Variants in PSIP1 observed in about 807,000 individuals in gnomAD.
PSIP1 encodes PC4 and SFRS1-interacting protein.
In PSIP1, 19 loss-of-function variants were observed where a neutral mutation model predicts 74.7. The observed-to-expected ratio is 0.25, with a 90% CI of 0.18 to 0.37. The LOEUF is 0.37. PSIP1 is among the 10% of genes least tolerant of loss of function. The pLI, the probability that PSIP1 is intolerant of heterozygous loss-of-function variation, is 1.00. For missense variants in PSIP1, 601 were observed against 614.3 expected (o/e 0.98, Z 0.23); for synonymous variants, 222 against 195.3 (o/e 1.14, Z -1.14).
In PSIP1 at chr9:15,465,444, A is replaced by C. The variant is rs757593296; in HGVS notation, c.*76T>G. ...TCAAACCTATGCTTATAAAAATTTA[A>C]AACTTTCAGCAGTCTATTTCAAATG... On this transcript the variant is annotated 3_prime_UTR_variant, in exon 16 of 16. Transcript: ENST00000380733. 105 of 1,302,630 alleles carry C rather than the reference A, an allele frequency of 8.1e-5. No homozygotes were observed. Among genetic ancestry groups the C allele is most frequent in the Non-Finnish European group, 1.1e-4 (98 of 930,144 alleles). The allele number at this position is 1,302,630 out of a possible 1,614,324, so 80.7% of individuals were successfully genotyped here. A position where few individuals can be genotyped will look rare whatever the true frequency, so the allele number is the denominator to read the frequency against.
intron 4 of PSIP1, 83 bp downstream of exon 4, chr9:15,489,903 A>T (rs2036746096): frequency 1.7e-6 from 2 of 1,159,710 alleles, no homozygotes; most frequent in Non-Finnish European, 2.3e-6. Flanking sequence ...CAAGGCTTTT[A>T]GTATTTACTT....
At position 15,469,210 on chromosome 9, in the gene PSIP1, TAA is replaced by T. The variant is rs112121401; in HGVS notation, c.1104+54_1104+55del. 70 of 1,351,094 alleles carry T rather than the reference TAA, an allele frequency of 5.2e-5. 1 individual carries two copies. In the African/African-American group the frequency reaches 6.9e-4, roughly 13 times the overall value. 83.7% of individuals were successfully genotyped at this position (1,351,094 alleles called of 1,614,324 possible). On this transcript the variant is annotated intron_variant, in intron 12 of 15. Transcript: ENST00000380733. ...ATACTCATAAGATCATGTGAGAAAA[TAA>T]AAGATGAAGCTATAAATGCAGTACT...
At chr9:15,466,677 T>A in intron 15 of PSIP1, 71 bp downstream of exon 15, 1 of 1,220,792 alleles carries the variant, frequency 8.2e-7, no homozygotes, top group Admixed American at 2.4e-5. Flanking sequence ...TAAGATAACC[T>A]TGGAACAGAA....
intron 6 of PSIP1, among the ~76,000 whole-genome samples, chr9:15,483,008 T>C (rs1563878984): frequency 6.6e-6 from 1 of 152,144 alleles, no homozygotes; most frequent in African/African-American, 2.4e-5. Context: ...GATACCCTCT[T>C]AGATTTTCTC....
At chr9:15,510,041 T>A (rs2037782782) in intron 2 of PSIP1, 76 bp downstream of exon 2, 2 of 1,405,302 alleles carry the variant, frequency 1.4e-6, no homozygotes, top group Non-Finnish European at 2.0e-6. Flanking sequence ...GAAGAAAAAA[T>A]AAAGAGACAC....
intron 6 of PSIP1, among the ~76,000 whole-genome samples, chr9:15,484,399 G>A (rs1422892605): frequency 6.6e-6 from 1 of 151,942 alleles, no homozygotes; most frequent in Non-Finnish European, 1.5e-5. Flanking sequence ...AGGAGTTCGA[G>A]ATAAGCCTGG....
intron 7 of PSIP1, among the ~76,000 whole-genome samples, chr9:15,478,753 AAC>A (rs1347231909): frequency 7.1e-4 from 108 of 152,306 alleles, no homozygotes; most frequent in African/African-American, 2.2e-3. Flanking sequence ...TAAAGAGGTA[AAC>A]AGAGTAATCC....
chr9:15,499,605 G>A (rs573929814), intron 3 of PSIP1, among the ~76,000 whole-genome samples: 3 of 152,252 alleles, frequency 2.0e-5, no homozygotes, highest in African/African-American at 7.2e-5. Flanking sequence ...CAGGCACGGT[G>A]GCTCATGTCT....
At chr9:15,474,305 C>G in intron 8 of PSIP1, 68 bp from the exon 9 acceptor site, 1 of 1,349,404 alleles carries the variant, frequency 7.4e-7, no homozygotes, top group Non-Finnish European at 1.0e-6. Context: ...TATCAGTAAG[C>G]TATAATTTTT....
In PSIP1 at chr9:15,489,904, G is replaced by A. The variant is rs1055376570; in HGVS notation, c.288+82C>T. ...TAGTATGAAATTCCCAAGGCTTTTA[G>A]TATTTACTTTCCTACAGCTAGGATA... On this transcript the variant is annotated intron_variant, in intron 4 of 15. Transcript: ENST00000380733. 1.0e-5 allele frequency: 12 copies of A among 1,174,856 alleles called. No homozygotes were observed. In the East Asian group the frequency reaches 1.6e-4, roughly 16 times the overall value. 72.8% of individuals were successfully genotyped at this position (1,174,856 alleles called of 1,614,324 possible).
At chr9:15,502,835 A>T (rs1356192831) in intron 3 of PSIP1, among the ~76,000 whole-genome samples, 2 of 152,248 alleles carry the variant, frequency 1.3e-5, no homozygotes, top group East Asian at 3.8e-4. Context: ...ACATGGTCAC[A>T]GTTAGGGCTC....
Position 15,510,298 on chromosome 9 carries a change from G to C in PSIP1, c.-110C>G. The C allele has an allele frequency of 1.2e-6, 1 of 838,402 alleles. No individual in the cohort carries two copies. Among genetic ancestry groups the C allele is most frequent in the Non-Finnish European group, 1.8e-6 (1 of 570,452 alleles). 51.9% of individuals were successfully genotyped at this position (838,402 alleles called of 1,614,324 possible). On this transcript the variant is annotated 5_prime_UTR_variant, in exon 2 of 16. Transcript: ENST00000380733. ...CCCAGCTACCGGGCCCGCGGGCGGG[G>C]GAGGATGCCTCGGGGCGTCCCGACG...
At chr9:15,483,571 T>A (rs1293703955) in intron 6 of PSIP1, among the ~76,000 whole-genome samples, 1 of 151,164 alleles carries the variant, frequency 6.6e-6, no homozygotes, top group Non-Finnish European at 1.5e-5. Flanking sequence ...ATTTTTTGTC[T>A]AAAAAAAAAT....
intron 5 of PSIP1, among the ~76,000 whole-genome samples, 184 bp downstream of exon 5, chr9:15,486,643 A>G (rs965815804): frequency 6.6e-6 from 1 of 152,134 alleles, no homozygotes; most frequent in Non-Finnish European, 1.5e-5. Context: ...TGCATCTTAA[A>G]GATGCATAAG....
intron 4 of PSIP1, among the ~76,000 whole-genome samples, chr9:15,488,052 C>A (rs560919890): frequency 6.6e-6 from 1 of 152,184 alleles, no homozygotes; most frequent in East Asian, 1.9e-4. Flanking sequence ...AAAGCTAGGC[C>A]GGGCACAGTG....
chr9:15,471,133 T>G (rs780047319), intron 10 of PSIP1: 2 of 1,604,070 alleles, frequency 1.2e-6, no homozygotes, highest in South Asian at 2.2e-5. Context: ...TCTTCATCTC[T>G]TGTTTGCTCC....
chr9:15,509,540 G>A (rs956915041), intron 2 of PSIP1, among the ~76,000 whole-genome samples: 4 of 152,166 alleles, frequency 2.6e-5, no homozygotes, highest in African/African-American at 9.7e-5. Flanking sequence ...AATAAAAAAG[G>A]AGAAATGAAT....
In PSIP1 at chr9:15,510,182, G is replaced by A. The variant is rs772863448; in HGVS notation, c.7C>T (p.Arg3Cys). Residue 3 changes from arginine (R) to cysteine (C), a missense_variant, in exon 2 of 16, where the codon CGC (arginine) becomes TGC (cysteine). Coordinates refer to ENST00000380733, the MANE Select transcript of PSIP1 (RefSeq NM_033222.5). MT[R>C]DFKPGDLIFA... ...ATGAGGTCTCCAGGTTTGAAATCGC[G>A]AGTCATGTTTCGGGGGCGAGACCGG... is the stretch of plus-strand genomic sequence containing the variant. 3 of 1,604,732 alleles carry A rather than the reference G, an allele frequency of 1.9e-6. No homozygotes were observed. The highest frequency in any genetic ancestry group is 1.7e-6 in the Non-Finnish European group (2 of 1,175,900).
chr9:15,470,670 T>G, intron 10 of PSIP1: 1 of 935,028 alleles, frequency 1.1e-6, no homozygotes, highest in Non-Finnish European at 1.3e-6. Context: ...TTTAAAATTT[T>G]GGTTACAGTT....
Sources: allele counts gnomAD v4.1 joint callset (sites outside exome capture counted in the v4.1 genomes callset), GRCh38; gene constraint gnomAD v4.1.1; transcripts MANE v1.5; gene names NCBI Gene and HGNC (gene_info 2026-07-23, HGNC 2026-07-21).